The following ZNF783 variants were observed in gnomAD, a reference collection of about 807,000 sequenced individuals.
ZNF783 encodes zinc finger protein 783.
Under a neutral mutation model 31.3 loss-of-function variants are expected in ZNF783, and 25 were observed. That is an observed-to-expected ratio of 0.80 (90% CI 0.58 to 1.11). The LOEUF (loss-of-function observed/expected upper bound fraction) is 1.11. Ranked by LOEUF, ZNF783 falls within the 50% of genes most tolerant of loss-of-function variation. ZNF783 has a pLI of 0.00. For missense variants in ZNF783, 797 were observed against 760.0 expected, an observed-to-expected ratio of 1.05 and a Z score of -0.57; for synonymous variants, 369 against 319.1, an observed-to-expected ratio of 1.16 and a Z score of -1.66.
At chr7:149,267,258 C>T (rs1797101703) in intron 4 of ZNF783, 36 bp downstream of exon 4, 1 of 1,550,486 alleles carries the variant, frequency 6.4e-7, no homozygotes, top group Admixed American at 1.9e-5. Flanking sequence ...GGGGGGCCGC[C>T]AGGGGCTAGC....
intron 4 of ZNF783, among the ~76,000 whole-genome samples, chr7:149,272,123 T>C (rs1016735021): frequency 6.6e-6 from 1 of 152,154 alleles, no homozygotes; most frequent in Non-Finnish European, 1.5e-5. Flanking sequence ...GTTCAAATGA[T>C]TCTGGAGCCC....
In ZNF783 at chr7:149,284,036, A is replaced by G. The variant is rs751412147; in HGVS notation, c.*1693A>G. 1 of 136,594 alleles carries G rather than the reference A, an allele frequency of 7.3e-6. No homozygotes were observed. Among genetic ancestry groups the G allele is most frequent in the Non-Finnish European group, 1.6e-5 (1 of 61,030 alleles). 8.5% of individuals were successfully genotyped at this position (136,594 alleles called of 1,614,324 possible). A position where few individuals can be genotyped will look rare whatever the true frequency, so the allele number is the denominator to read the frequency against. On this transcript the variant is annotated 3_prime_UTR_variant, in exon 6 of 6. Coordinates refer to ENST00000434415, the MANE Select transcript of ZNF783 (RefSeq NM_001195220.2). ...TACCAAAGCATGAGATTCGGACTGT[A>G]GAAGTTCAGACTGCCTCAGTTCAGA...
intron 1 of ZNF783, among the ~76,000 whole-genome samples, 195 bp from the exon 2 acceptor site, chr7:149,266,139 CA>C (rs1797058212): frequency 6.6e-6 from 1 of 152,166 alleles, no homozygotes; most frequent in Non-Finnish European, 1.5e-5. Context: ...TTGGTCCAGC[CA>C]CTATCTCTTG....
intron 4 of ZNF783, chr7:149,276,505 G>A (rs563579357): frequency 2.0e-4 from 194 of 985,388 alleles, no homozygotes; most frequent in Admixed American, 2.0e-3. Context: ...AAGGGGAATC[G>A]GTAGCAGTGT....
chr7:149,263,320 ATATATT>A (rs763623685), intron 1 of ZNF783, among the ~76,000 whole-genome samples: 223 of 120,424 alleles, frequency 1.9e-3, no homozygotes, highest in South Asian at 4.2e-3. Context: ...ATATATATAT[ATATATT>A]TTTTTTTTAG....
Position 149,262,250 on chromosome 7 carries a change from C to A in ZNF783, c.-84C>A. 1 of 1,254,440 alleles carries A rather than the reference C, an allele frequency of 8.0e-7. No homozygotes were observed. The highest frequency in any genetic ancestry group is 1.0e-6 in the Non-Finnish European group (1 of 982,272). The allele number at this position is 1,254,440 out of a possible 1,614,324, so 77.7% of individuals were successfully genotyped here. ...GCTCTCAGGTTAGGCGGGTCCCGCTCCGCTTCCGCCGTCGCTGCCGCGCCG... is the reference window on the plus strand; with the variant it reads ...GCTCTCAGGTTAGGCGGGTCCCGCTACGCTTCCGCCGTCGCTGCCGCGCCG... On this transcript the variant is annotated 5_prime_UTR_variant, in exon 1 of 6. Transcript: ENST00000434415.
At chr7:149,278,137 T>C in intron 4 of ZNF783, 1 of 1,218,362 alleles carries the variant, frequency 8.2e-7, no homozygotes, top group African/African-American at 1.5e-5. Context: ...AAATGCCAGA[T>C]TCTGTCATGA....
Position 149,267,118 on chromosome 7 carries a change from A to G in ZNF783, c.569A>G (p.Asp190Gly), listed in dbSNP as rs199756171. ...ACAGATTATGCAATCTCCAAACCAG[A>G]CATCCTCACCCGGATAGAGAGGGGA... Reference protein sequence around the residue: ...VSLDYAISKPDILTRIERGEE... With the variant: ...VSLDYAISKPGILTRIERGEE... The change falls in exon 4 of 6, where the codon GAC (aspartate) becomes GGC (glycine). Residue 190 changes from aspartate (D) to glycine (G), a missense_variant. Transcript: ENST00000434415. 28 of 1,599,788 alleles carry G rather than the reference A, an allele frequency of 1.8e-5. No homozygotes were observed. The highest frequency in any genetic ancestry group is 2.3e-5 in the Non-Finnish European group (27 of 1,179,800).
At chr7:149,273,923 A>AT (rs1482522064) in intron 4 of ZNF783, among the ~76,000 whole-genome samples, 2 of 152,042 alleles carry the variant, frequency 1.3e-5, no homozygotes, top group African/African-American at 2.4e-5. Context: ...GGGTAATTAG[A>AT]TTTTTTTCCT....
In ZNF783 at chr7:149,266,717, G is replaced by A. The variant is rs760399487; in HGVS notation, c.407G>A (p.Gly136Glu). 1 of 1,613,926 alleles carries A rather than the reference G, an allele frequency of 6.2e-7. No individual in the cohort carries two copies. Among genetic ancestry groups the A allele is most frequent in the South Asian group, 1.1e-5 (1 of 91,058 alleles). The change falls in exon 2 of 6, where the codon GGG (glycine) becomes GAG (glutamate). Residue 136 changes from glycine (G) to glutamate (E), a missense_variant. Transcript: ENST00000434415. ...TTGCGGCTGCCCCCGGGCAGCAAGG[G>A]GGAGGCCCCCAAGGTAGCACCGGGA... ...WILRLPPGSK[G>E]EAPKVPVTFD...
intron 4 of ZNF783, chr7:149,278,109 T>G (rs1585618846): frequency 8.7e-7 from 1 of 1,153,406 alleles, no homozygotes; most frequent in Non-Finnish European, 1.1e-6. Flanking sequence ...AGGCATGGTG[T>G]TTCTCTTTCC....
chr7:149,266,386 C>T lies in ZNF783; in HGVS notation c.76C>T (p.Pro26Ser), dbSNP rs1797065208. 6.3e-7 allele frequency: 1 copy of T among 1,598,282 alleles called. No homozygotes were observed. Among genetic ancestry groups the T allele is most frequent in the South Asian group, 1.1e-5 (1 of 90,790 alleles). The change falls in exon 2 of 6, where the codon CCC (proline) becomes TCC (serine). Residue 26 changes from proline (P) to serine (S), a missense_variant. By Grantham distance (74) the Pro-to-Ser change is moderately conservative (BLOSUM62 -1). Coordinates refer to ENST00000434415, the MANE Select transcript of ZNF783 (RefSeq NM_001195220.2). ...GGACCAGAGTCCTTCGACACCCTTGCCCCAGCCAGCTGCTGAGAAGAACTC... is the reference window on the plus strand; with the variant it reads ...GGACCAGAGTCCTTCGACACCCTTGTCCCAGCCAGCTGCTGAGAAGAACTC... ...TEDQSPSTPL[P>S]QPAAEKNSYL...
At chr7:149,278,936 G>C (rs1797394944) in intron 5 of ZNF783, among the ~76,000 whole-genome samples, 1 of 152,188 alleles carries the variant, frequency 6.6e-6, no homozygotes, top group South Asian at 2.1e-4. Flanking sequence ...TCTTTCTGAA[G>C]ACCTACTGGG....
At position 149,282,408 on chromosome 7, in the gene ZNF783, C is replaced by T; in HGVS notation, c.*65C>T. On this transcript the variant is annotated 3_prime_UTR_variant, in exon 6 of 6. Transcript: ENST00000434415. Reference sequence around the variant, plus strand: ...CCCCTGTGCCTGACGCAGGTTCTTCCTTTTCCTGGGATGGAGAGAGGTTTG... The same window carrying T: ...CCCCTGTGCCTGACGCAGGTTCTTCTTTTTCCTGGGATGGAGAGAGGTTTG... 1 of 1,318,484 alleles carries T rather than the reference C, an allele frequency of 7.6e-7. No individual in the cohort carries two copies. 81.7% of individuals were successfully genotyped at this position (1,318,484 alleles called of 1,614,324 possible).
In ZNF783 at chr7:149,282,204, G is replaced by A. The variant is rs200039006; in HGVS notation, c.1502G>A (p.Arg501Gln). The A allele has an allele frequency of 4.3e-4, 690 of 1,599,650 alleles. 1 individual carries two copies. Among genetic ancestry groups the A allele is most frequent in the Non-Finnish European group, 5.6e-4 (665 of 1,179,554 alleles). The change falls in exon 6 of 6, where the codon CGG (arginine) becomes CAG (glutamine). Residue 501 changes from arginine (R) to glutamine (Q), a missense_variant. By Grantham distance (43) the Arg-to-Gln change is conservative (BLOSUM62 1). Transcript: ENST00000434415. Reference sequence around the variant, plus strand: ...CCCTACCAGTGCCCCCAGTGTGGCCGGACCTTCAACCGCAACCACCACCTG... The same window carrying A: ...CCCTACCAGTGCCCCCAGTGTGGCCAGACCTTCAACCGCAACCACCACCTG... ...ERPYQCPQCG[R>Q]TFNRNHHLAV...
intron 1 of ZNF783, among the ~76,000 whole-genome samples, chr7:149,262,800 G>T (rs900126334): frequency 6.6e-6 from 1 of 152,264 alleles, no homozygotes; most frequent in Admixed American, 6.5e-5. Context: ...GCCTCACGCC[G>T]GGGCAGGGAT....
chr7:149,263,314 ATATATATATAT>A (rs1646567234), intron 1 of ZNF783, among the ~76,000 whole-genome samples: 1 of 134,770 alleles, frequency 7.4e-6, no homozygotes, highest in African/African-American at 3.0e-5. Flanking sequence ...GTATATATAT[ATATATATATAT>A]TTTTTTTTTA....
At chr7:149,270,290 G>A (rs936510593) in intron 4 of ZNF783, among the ~76,000 whole-genome samples, 15 of 152,050 alleles carry the variant, frequency 9.9e-5, no homozygotes, top group African/African-American at 2.2e-4. Context: ...CACCATATCC[G>A]GCTAATTTTT....
intron 5 of ZNF783, among the ~76,000 whole-genome samples, chr7:149,278,821 G>C (rs1797392337): frequency 6.6e-6 from 1 of 152,076 alleles, no homozygotes; most frequent in African/African-American, 2.4e-5. Flanking sequence ...GGGGGTAGAT[G>C]GGTGTGTTGT....
Sources: gnomAD v4.1 joint callset for allele counts (sites outside exome capture counted in the v4.1 genomes callset) on GRCh38, gnomAD v4.1.1 for gene constraint, MANE v1.5 for transcripts, NCBI Gene and HGNC (gene_info 2026-07-23, HGNC 2026-07-21) for gene names.